The following CALY variants were observed in gnomAD, a reference collection of about 807,000 sequenced individuals.
The protein encoded by CALY is neuron-specific vesicular protein calcyon.
In CALY, 15 loss-of-function variants were observed where a neutral mutation model predicts 20.2. The observed-to-expected ratio is 0.74, with a 90% CI of 0.50 to 1.14. CALY has a LOEUF of 1.14. Ranked by LOEUF, CALY falls within the 50% of genes most tolerant of loss-of-function variation. The pLI, the probability that CALY is intolerant of heterozygous loss-of-function variation, is 0.00. For missense variants in CALY, 270 were observed against 304.4 expected (o/e 0.89, Z 0.84); for synonymous variants, 129 against 131.8 (o/e 0.98, Z 0.15).
intron 1 of CALY, among the ~76,000 whole-genome samples, chr10:133,329,825 G>T (rs998235974): frequency 2.6e-5 from 4 of 151,446 alleles, no homozygotes; most frequent in African/African-American, 7.4e-5. Flanking sequence ...CGCAATACGC[G>T]GTATGGGACG....
At chr10:133,333,760 G>GAAA (rs1564788302) in intron 1 of CALY, among the ~76,000 whole-genome samples, 1 of 9,914 alleles carries the variant, frequency 1.0e-4, no homozygotes, top group African/African-American at 4.5e-4. Flanking sequence ...CTCTGAGGGG[G>GAAA]GAAGGATCTG....
At chr10:133,332,911 G>T (rs1848334147) in intron 1 of CALY, among the ~76,000 whole-genome samples, 1 of 152,134 alleles carries the variant, frequency 6.6e-6, no homozygotes, top group Admixed American at 6.5e-5. Context: ...AGCTCCCCTA[G>T]AGGCTTTGGA....
chr10:133,326,352 C>T, intron 4 of CALY: 2 of 1,271,028 alleles, frequency 1.6e-6, no homozygotes, highest in Non-Finnish European at 2.2e-6. Context: ...GCGCAGACAC[C>T]AGTGGACCTG....
chr10:133,326,833 G>T, intron 4 of CALY, 45 bp downstream of exon 4: 1 of 1,322,500 alleles, frequency 7.6e-7, no homozygotes, highest in South Asian at 1.2e-5. Context: ...GGCTACGGGA[G>T]GAGGGGCGGC....
At chr10:133,332,335 TCACATTA>T (rs1248760597) in intron 1 of CALY, among the ~76,000 whole-genome samples, 2 of 152,092 alleles carry the variant, frequency 1.3e-5, no homozygotes, top group Admixed American at 6.6e-5. Context: ...GATCCCTACC[TCACATTA>T]CACAGAGAAG....
At chr10:133,326,245 C>T (rs1848207391) in intron 4 of CALY, 125 bp from the exon 5 acceptor site, 2 of 1,550,570 alleles carry the variant, frequency 1.3e-6, no homozygotes, top group Non-Finnish European at 8.7e-7. Context: ...GGCTTCAGGA[C>T]ACCGAAGATC....
chr10:133,330,297 G>A (rs1364444898), intron 1 of CALY, among the ~76,000 whole-genome samples: 39 of 131,876 alleles, frequency 3.0e-4, no homozygotes, highest in African/African-American at 9.9e-4. Flanking sequence ...AGGTTGCAAT[G>A]AGCCGAGATC....
chr10:133,326,297 C>A, intron 4 of CALY, 177 bp from the exon 5 acceptor site: 2 of 1,549,204 alleles, frequency 1.3e-6, no homozygotes, highest in East Asian at 2.4e-5. Flanking sequence ...GGGCATGGAG[C>A]AGGAGGTCGC....
At position 133,334,512 on chromosome 10, in the gene CALY, C is replaced by A. The variant is rs551466390; in HGVS notation, c.-21+2322G>T. On this transcript the variant is annotated intron_variant, in intron 1 of 5. Coordinates refer to ENST00000252939, the MANE Select transcript of CALY (RefSeq NM_015722.4). ...GACATGAGGGGAAGGATCTGAGGGG[C>A]GAAGGATCTGAGCGGGGAAGGCTCT... is the stretch of plus-strand genomic sequence containing the variant. Among the ~76,000 whole-genome samples the A allele has an allele frequency of 6.2e-3, 287 of 46,060 alleles. 4 individuals carry two copies. The highest frequency in any genetic ancestry group is 0.014 in the Admixed American group (41 of 2,918). The allele number at this position is 46,060 out of a possible 152,430, so 30.2% of individuals were successfully genotyped here. A position where few individuals can be genotyped will look rare whatever the true frequency, so the allele number is the denominator to read the frequency against.
At chr10:133,327,380 GCAT>G in intron 3 of CALY, 1 of 509,546 alleles carries the variant, frequency 2.0e-6, no homozygotes, top group Non-Finnish European at 3.5e-6. Flanking sequence ...CACAGTGGGT[GCAT>G]GTGTGGTAAC....
chr10:133,324,539 G>C lies in CALY; in HGVS notation c.*1056C>G, dbSNP rs1250130540. 1 of 360,966 alleles carries C rather than the reference G, an allele frequency of 2.8e-6. No individual in the cohort carries two copies. Among genetic ancestry groups the C allele is most frequent in the Non-Finnish European group, 5.6e-6 (1 of 178,492 alleles). The allele number at this position is 360,966 out of a possible 1,614,324, so 22.4% of individuals were successfully genotyped here. ...TGCAGTGCTGCAATTGGCTGGGGTG[G>C]GCGGGGCTGCAGTGCTGCAATTGGC... On this transcript the variant is annotated 3_prime_UTR_variant, in exon 6 of 6. Transcript: ENST00000252939.
intron 1 of CALY, among the ~76,000 whole-genome samples, chr10:133,335,426 C>T (rs1318252189): frequency 6.6e-6 from 1 of 152,184 alleles, no homozygotes; most frequent in Non-Finnish European, 1.5e-5. Flanking sequence ...CCCTTCGAGC[C>T]AAACTTCAAA....
chr10:133,336,504 C>A (rs2133388320), intron 1 of CALY, among the ~76,000 whole-genome samples: 1 of 152,286 alleles, frequency 6.6e-6, no homozygotes, highest in Non-Finnish European at 1.5e-5. Context: ...CTCGGAGACA[C>A]CCTTAACTCC....
At position 133,326,132 on chromosome 10, in the gene CALY, G is replaced by T; in HGVS notation, c.361-12C>A. ...GTGCAGATCTTGTGCTGCGGGAGGGGCCGGGTCAGGGTCGGTGGGGCTGAG... is the reference window on the plus strand; with the variant it reads ...GTGCAGATCTTGTGCTGCGGGAGGGTCCGGGTCAGGGTCGGTGGGGCTGAG... On this transcript the variant is annotated splice_polypyrimidine_tract_variant and intron_variant, in intron 4 of 5. Transcript: ENST00000252939. The T allele has an allele frequency of 6.3e-7, 1 of 1,592,270 alleles. No individual in the cohort carries two copies. Among genetic ancestry groups the T allele is most frequent in the Non-Finnish European group, 8.6e-7 (1 of 1,166,342 alleles).
intron 1 of CALY, among the ~76,000 whole-genome samples, chr10:133,333,245 G>A (rs1848340539): frequency 6.9e-6 from 1 of 144,312 alleles, no homozygotes. Flanking sequence ...AGCTGAGGGT[G>A]GAATGATTGC....
chr10:133,335,914 G>A lies in CALY; in HGVS notation c.-21+920C>T, dbSNP rs115551369. 6.9e-3 allele frequency among the ~76,000 whole-genome samples: 1,050 copies of A among 152,324 alleles called. 19 individuals are homozygous for A. The highest frequency in any genetic ancestry group is 0.024 in the African/African-American group (1,003 of 41,576). ...AGTGAGGCCGTGCAGATGGACAGAT[G>A]GATGGCGGGGGCGGGGGTGCAGGCT... On this transcript the variant is annotated intron_variant, in intron 1 of 5. Transcript: ENST00000252939.
chr10:133,325,736 G>A, intron 5 of CALY, 63 bp downstream of exon 5: 1 of 713,708 alleles, frequency 1.4e-6, no homozygotes, highest in East Asian at 4.0e-5. Flanking sequence ...GCTCAGAAGC[G>A]GTGGCGGGAG....
intron 3 of CALY, 188 bp downstream of exon 3, chr10:133,327,717 G>A (rs1848236909): frequency 2.9e-6 from 2 of 688,520 alleles, no homozygotes; most frequent in African/African-American, 3.5e-5. Flanking sequence ...GCAGCCTCGG[G>A]AGGGGGCCTG....
In CALY at chr10:133,327,888, G is replaced by T; in HGVS notation, c.246+17C>A. The T allele has an allele frequency of 6.6e-7, 1 of 1,525,682 alleles. No individual in the cohort carries two copies. Among genetic ancestry groups the T allele is most frequent in the Non-Finnish European group, 9.1e-7 (1 of 1,101,736 alleles). 94.5% of individuals were successfully genotyped at this position (1,525,682 alleles called of 1,614,324 possible). On this transcript the variant is annotated intron_variant, in intron 3 of 5. Transcript: ENST00000252939. ...CCTGTCCTGAGTCCCCACAGTGGGT[G>T]GGGTGGGTGTGGTTACCCTGCGCCC...
Sources: gnomAD v4.1 joint callset for allele counts (sites outside exome capture counted in the v4.1 genomes callset) on GRCh38, gnomAD v4.1.1 for gene constraint, MANE v1.5 for transcripts, NCBI Gene and HGNC (gene_info 2026-07-23, HGNC 2026-07-21) for gene names.